Variants in PPM1L observed in about 807,000 individuals in gnomAD.
PPM1L encodes protein phosphatase, Mg2+/Mn2+ dependent 1L.
PPM1L carries 13 observed loss-of-function variants against 31.4 expected under a neutral mutation model. That is an observed-to-expected ratio of 0.41 (90% confidence interval 0.27 to 0.66). The LOEUF is 0.66. Ranked by LOEUF, PPM1L falls within the 30% of genes least tolerant of loss-of-function variation. The pLI is 0.29. For missense variants in PPM1L, 326 were observed against 453.7 expected, an observed-to-expected ratio of 0.72 and a Z score of 2.56; for synonymous variants, 184 against 175.4, an observed-to-expected ratio of 1.05 and a Z score of -0.39.
chr3:160,775,062 G>A (rs2886905), intron 1 of PPM1L, among the ~76,000 whole-genome samples: 83,104 of 152,134 alleles, frequency 0.55, 26,141 homozygotes, highest in African/African-American at 0.87. Context: ...TTAAGTGTCT[G>A]CAATGTGCCA....
At chr3:160,828,303 C>G (rs996749739) in intron 1 of PPM1L, among the ~76,000 whole-genome samples, 5 of 152,050 alleles carry the variant, frequency 3.3e-5, no homozygotes, top group Admixed American at 2.6e-4. Context: ...TTTACCAAAC[C>G]TTAAAGTCAT....
At chr3:160,887,857 G>A (rs116557459) in intron 1 of PPM1L, among the ~76,000 whole-genome samples, 11,362 of 152,078 alleles carry the variant, frequency 0.075, 536 homozygotes, top group African/African-American at 0.12. Flanking sequence ...GATTATAGGC[G>A]TGAGCCACTG....
chr3:160,862,483 G>A (rs1386495462), intron 1 of PPM1L, among the ~76,000 whole-genome samples: 3 of 152,184 alleles, frequency 2.0e-5, no homozygotes, highest in Admixed American at 6.6e-5. Context: ...CTGCGGGGAT[G>A]TGGAATAGGA....
At chr3:160,788,110 G>C (rs1711987692) in intron 1 of PPM1L, among the ~76,000 whole-genome samples, 1 of 151,620 alleles carries the variant, frequency 6.6e-6, no homozygotes, top group Non-Finnish European at 1.5e-5. Flanking sequence ...TCTTTTTTTT[G>C]GTTCCATAGA....
intron 2 of PPM1L, among the ~76,000 whole-genome samples, chr3:161,050,223 C>T (rs1719227640): frequency 6.6e-6 from 1 of 152,226 alleles, no homozygotes; most frequent in African/African-American, 2.4e-5. Context: ...CTTGCATAGC[C>T]GCAGTCTTAA....
intron 2 of PPM1L, among the ~76,000 whole-genome samples, chr3:161,011,651 A>G (rs1350430282): frequency 1.3e-5 from 2 of 152,120 alleles, no homozygotes; most frequent in African/African-American, 4.8e-5. Context: ...ATCCATGAGC[A>G]TGGAATGTTC....
intron 1 of PPM1L, among the ~76,000 whole-genome samples, chr3:160,954,842 T>C (rs992739877): frequency 9.9e-5 from 5 of 50,448 alleles, no homozygotes; most frequent in African/African-American, 3.1e-4. Context: ...ATCAATTCTT[T>C]GTCTAGGCCA....
chr3:160,836,340 G>GAA (rs758890247), intron 1 of PPM1L, among the ~76,000 whole-genome samples: 18 of 151,722 alleles, frequency 1.2e-4, no homozygotes, highest in African/African-American at 4.4e-4. Context: ...GAGAGAGAGA[G>GAA]AGAAAGAGAG....
chr3:160,948,331 A>G (rs12494673), intron 1 of PPM1L, among the ~76,000 whole-genome samples: 66,670 of 151,882 alleles, frequency 0.44, 15,390 homozygotes, highest in East Asian at 0.74. Context: ...CTCTTGCTAA[A>G]ATAAGATACC....
intron 1 of PPM1L, among the ~76,000 whole-genome samples, chr3:160,858,337 C>T (rs1211194428): frequency 6.6e-6 from 1 of 152,118 alleles, no homozygotes; most frequent in African/African-American, 2.4e-5. Flanking sequence ...AGAACCGCCT[C>T]CCAGATTCAA....
At chr3:160,918,503 G>C (rs1014574614) in intron 1 of PPM1L, among the ~76,000 whole-genome samples, 8 of 152,150 alleles carry the variant, frequency 5.3e-5, no homozygotes, top group African/African-American at 1.9e-4. Flanking sequence ...CTTTAAGTTA[G>C]ATGTCTTTAA....
intron 1 of PPM1L, among the ~76,000 whole-genome samples, chr3:160,861,749 C>T (rs1711898246): frequency 6.6e-6 from 1 of 152,136 alleles, no homozygotes; most frequent in African/African-American, 2.4e-5. Flanking sequence ...GGTGTTATGG[C>T]ACTAACCAAG....
intron 1 of PPM1L, among the ~76,000 whole-genome samples, chr3:160,878,649 G>A (rs572468384): frequency 5.3e-5 from 8 of 152,246 alleles, no homozygotes; most frequent in East Asian, 1.9e-4. Flanking sequence ...ATTTTGGGGC[G>A]ACACAAACAT....
intron 1 of PPM1L, among the ~76,000 whole-genome samples, chr3:160,758,908 T>A (rs930438132): frequency 4.6e-5 from 7 of 152,208 alleles, no homozygotes; most frequent in Non-Finnish European, 8.8e-5. Context: ...AAAAATAGAG[T>A]ATTTGTTCTG....
At chr3:161,022,657 C>CTTTTTTTTT (rs71147399) in intron 2 of PPM1L, among the ~76,000 whole-genome samples, 5 of 93,722 alleles carry the variant, frequency 5.3e-5, no homozygotes, top group Non-Finnish European at 7.7e-5. Flanking sequence ...ATTTCTCCTT[C>CTTTTTTTTT]TTTTTTTTTT....
intron 1 of PPM1L, among the ~76,000 whole-genome samples, chr3:160,794,915 G>A (rs1303697370): frequency 6.6e-6 from 1 of 152,182 alleles, no homozygotes; most frequent in Non-Finnish European, 1.5e-5. Context: ...AGAGAAAGAG[G>A]AAACGCAGGG....
At chr3:160,913,072 T>C (rs553279446) in intron 1 of PPM1L, among the ~76,000 whole-genome samples, 1 of 152,258 alleles carries the variant, frequency 6.6e-6, no homozygotes, top group East Asian at 1.9e-4. Context: ...ACAAAATCCA[T>C]GAAGATGGTA....
intron 1 of PPM1L, among the ~76,000 whole-genome samples, chr3:160,894,574 C>T (rs948101518): frequency 6.6e-6 from 1 of 152,072 alleles, no homozygotes; most frequent in African/African-American, 2.4e-5. Flanking sequence ...TTTTCAGAGG[C>T]CTGGAAAGGT....
At chr3:161,013,071 G>T (rs1717951413) in intron 2 of PPM1L, among the ~76,000 whole-genome samples, 1 of 152,136 alleles carries the variant, frequency 6.6e-6, no homozygotes. Context: ...GCTAGCTTTT[G>T]AATGTGTTTG....
Sources: allele counts gnomAD v4.1 joint callset (sites outside exome capture counted in the v4.1 genomes callset), GRCh38; gene constraint gnomAD v4.1.1; transcripts MANE v1.5; gene names NCBI Gene and HGNC (gene_info 2026-07-23, HGNC 2026-07-21).